The following DPP10 variants were observed in gnomAD, a reference collection of about 807,000 sequenced individuals.
DPP10 encodes the protein inactive dipeptidyl peptidase 10.
In DPP10, 33 loss-of-function variants were observed where a neutral mutation model predicts 120.9. The observed-to-expected ratio is 0.27, with a 90% CI of 0.21 to 0.37. The LOEUF is 0.37. DPP10 is among the 10% of genes least tolerant of loss of function. DPP10 has a pLI of 1.00. For synonymous variants in DPP10, 337 were observed against 326.1 expected (o/e 1.03, Z -0.36); for missense variants, 816 against 942.8 (o/e 0.87, Z 1.76).
chr2:115,296,162 C>T (rs2060874989), intron 1 of DPP10, among the ~76,000 whole-genome samples: 1 of 151,968 alleles, frequency 6.6e-6, no homozygotes, highest in Admixed American at 6.6e-5. Context: ...CCAGATCAGA[C>T]CCAGGTTTCT....
chr2:115,472,408 A>G (rs1260591611), intron 3 of DPP10, among the ~76,000 whole-genome samples: 1 of 152,206 alleles, frequency 6.6e-6, no homozygotes, highest in Non-Finnish European at 1.5e-5. Context: ...AGCAGAAAGA[A>G]ACAGGTGAAA....
chr2:115,286,313 G>T (rs1339845622), intron 1 of DPP10, among the ~76,000 whole-genome samples: 3 of 150,500 alleles, frequency 2.0e-5, no homozygotes, highest in Admixed American at 6.7e-5. Flanking sequence ...AGAATGCTGG[G>T]AAAAACTGAT....
At chr2:114,695,856 T>C (rs1700038527) in intron 1 of DPP10, among the ~76,000 whole-genome samples, 1 of 152,094 alleles carries the variant, frequency 6.6e-6, no homozygotes, top group African/African-American at 2.4e-5. Context: ...GTTTAGAGCA[T>C]CATTAAAATA....
At chr2:114,637,979 G>A (rs1298390447) in intron 1 of DPP10, among the ~76,000 whole-genome samples, 2 of 151,766 alleles carry the variant, frequency 1.3e-5, no homozygotes, top group African/African-American at 2.4e-5. Context: ...TTCCTTTCTG[G>A]TTCCATATAA....
At chr2:114,601,108 G>A (rs1036463886) in intron 1 of DPP10, among the ~76,000 whole-genome samples, 1 of 151,876 alleles carries the variant, frequency 6.6e-6, no homozygotes, top group Non-Finnish European at 1.5e-5. Flanking sequence ...GCCACAAAGA[G>A]AGCAAGGTGA....
intron 1 of DPP10, among the ~76,000 whole-genome samples, chr2:114,749,675 C>T (rs1229393459): frequency 1.3e-5 from 2 of 151,556 alleles, no homozygotes; most frequent in Non-Finnish European, 2.9e-5. Flanking sequence ...CAACCTCTGC[C>T]TCCTATCCTC....
At chr2:115,626,065 T>C (rs1392832596) in intron 5 of DPP10, among the ~76,000 whole-genome samples, 2 of 150,998 alleles carry the variant, frequency 1.3e-5, no homozygotes, top group African/African-American at 2.4e-5. Flanking sequence ...AACAGAAGTA[T>C]AAACAGAAAC....
intron 1 of DPP10, among the ~76,000 whole-genome samples, chr2:114,560,863 C>T (rs1688710154): frequency 6.6e-6 from 1 of 152,218 alleles, no homozygotes; most frequent in African/African-American, 2.4e-5. Context: ...GTTTGATTCA[C>T]TATACTTCAT....
intron 1 of DPP10, among the ~76,000 whole-genome samples, chr2:114,582,856 T>C (rs1400052825): frequency 6.6e-6 from 1 of 152,206 alleles, no homozygotes; most frequent in Non-Finnish European, 1.5e-5. Context: ...TGGCTGTACA[T>C]TAGAATCATC....
chr2:115,289,250 C>T (rs762306446), intron 1 of DPP10, among the ~76,000 whole-genome samples: 35 of 151,788 alleles, frequency 2.3e-4, no homozygotes, highest in Admixed American at 9.2e-4. Context: ...GAATGATCTC[C>T]ACAAGGAAAA....
At chr2:115,150,411 T>G (rs1394285261) in intron 1 of DPP10, among the ~76,000 whole-genome samples, 1 of 152,242 alleles carries the variant, frequency 6.6e-6, no homozygotes, top group Non-Finnish European at 1.5e-5. Context: ...CCTTGGCGAT[T>G]AGAGAGTTAG....
At chr2:114,879,057 C>A (rs776733922) in intron 1 of DPP10, among the ~76,000 whole-genome samples, 2 of 151,820 alleles carry the variant, frequency 1.3e-5, no homozygotes, top group African/African-American at 2.4e-5. Flanking sequence ...ATAAGTTTTT[C>A]ATCTAGACTA....
chr2:114,549,427 C>T (rs1687688909), intron 1 of DPP10, among the ~76,000 whole-genome samples: 1 of 151,962 alleles, frequency 6.6e-6, no homozygotes, highest in South Asian at 2.1e-4. Context: ...TTTTGGGATG[C>T]CAAGGTGGGC....
intron 1 of DPP10, among the ~76,000 whole-genome samples, chr2:115,062,553 T>C (rs1411437250): frequency 2.2e-4 from 34 of 152,084 alleles, no homozygotes; most frequent in Non-Finnish European, 5.9e-5. Flanking sequence ...CTCCCACCCC[T>C]CAACTGGCCC....
intron 1 of DPP10, among the ~76,000 whole-genome samples, chr2:114,484,896 G>A (rs1457529300): frequency 6.6e-6 from 1 of 151,640 alleles, no homozygotes; most frequent in African/African-American, 2.4e-5. Context: ...AGCACAGAAT[G>A]GTATGGTATT....
chr2:115,032,315 A>C (rs2105248201), intron 1 of DPP10, among the ~76,000 whole-genome samples: 1 of 152,218 alleles, frequency 6.6e-6, no homozygotes, highest in African/African-American at 2.4e-5. Context: ...GAAGTAAAAA[A>C]CCTGAAATTT....
chr2:115,243,360 A>G (rs1012761433), intron 1 of DPP10, among the ~76,000 whole-genome samples: 4 of 152,162 alleles, frequency 2.6e-5, no homozygotes, highest in African/African-American at 9.6e-5. Context: ...CCCATGCTAT[A>G]TGTCTGAATG....
At chr2:114,811,025 C>T (rs1349815197) in intron 1 of DPP10, among the ~76,000 whole-genome samples, 1 of 152,162 alleles carries the variant, frequency 6.6e-6, no homozygotes, top group Non-Finnish European at 1.5e-5. Flanking sequence ...CTGGGTCTCT[C>T]CTTTAGATGC....
chr2:115,160,474 T>G (rs1172745688), intron 1 of DPP10, among the ~76,000 whole-genome samples: 1 of 152,236 alleles, frequency 6.6e-6, no homozygotes, highest in Non-Finnish European at 1.5e-5. Flanking sequence ...ATTAATGGAC[T>G]GAGTGGCTCA....
Sources: gnomAD v4.1 joint callset for allele counts (sites outside exome capture counted in the v4.1 genomes callset) on GRCh38, gnomAD v4.1.1 for gene constraint, MANE v1.5 for transcripts, NCBI Gene and HGNC (gene_info 2026-07-23, HGNC 2026-07-21) for gene names.